ADD3: variants seen among roughly 807,000 people sequenced by gnomAD.
ADD3 encodes the protein adducin 3.
Under a neutral mutation model 80.2 loss-of-function variants are expected in ADD3, and 25 were observed. The observed-to-expected ratio is 0.31, with a 90% CI of 0.23 to 0.44. The LOEUF is 0.44. Among genes scored for constraint, ADD3 ranks in the 20% least tolerant of loss-of-function variants. The pLI is 1.00. For synonymous variants in ADD3, 284 were observed against 289.6 expected, an observed-to-expected ratio of 0.98 and a Z score of 0.20; for missense variants, 829 against 847.5, an observed-to-expected ratio of 0.98 and a Z score of 0.27.
intron 1 of ADD3, among the ~76,000 whole-genome samples, chr10:110,015,473 TCATGC>T (rs1251561112): frequency 6.6e-6 from 1 of 151,876 alleles, no homozygotes; most frequent in Non-Finnish European, 1.5e-5. Flanking sequence ...CCTCCTGGGT[TCATGC>T]CATTCTCCTG....
At chr10:110,113,050 T>G (rs1197326124) in intron 3 of ADD3, 135 bp downstream of exon 3, 7 of 881,634 alleles carry the variant, frequency 7.9e-6, no homozygotes, top group Non-Finnish European at 1.2e-5. Context: ...AACATAGTGT[T>G]AGACCCTCCT....
At chr10:110,072,259 G>A (rs1212787329) in intron 1 of ADD3, among the ~76,000 whole-genome samples, 1 of 152,100 alleles carries the variant, frequency 6.6e-6, no homozygotes, top group Non-Finnish European at 1.5e-5. Flanking sequence ...TAGAGATGGG[G>A]TTTCACCATG....
chr10:110,113,040 A>G, intron 3 of ADD3, 125 bp downstream of exon 3: 1 of 1,023,834 alleles, frequency 9.8e-7, no homozygotes, highest in South Asian at 1.6e-5. Context: ...TACTTAGAGT[A>G]ACATAGTGTT....
At chr10:110,112,718 C>T in intron 2 of ADD3, 59 bp from the exon 3 acceptor site, 2 of 1,556,268 alleles carry the variant, frequency 1.3e-6, no homozygotes, top group South Asian at 1.2e-5. Context: ...TGTATCGGAA[C>T]AAGTTACTTT....
chr10:110,074,502 G>A (rs1185134590), intron 1 of ADD3, among the ~76,000 whole-genome samples: 2 of 151,986 alleles, frequency 1.3e-5, no homozygotes, highest in African/African-American at 4.8e-5. Flanking sequence ...TGCAGCTGAC[G>A]TTGATTGGAG....
At chr10:110,023,494 A>G (rs1853929988) in intron 1 of ADD3, among the ~76,000 whole-genome samples, 1 of 152,198 alleles carries the variant, frequency 6.6e-6, no homozygotes, top group African/African-American at 2.4e-5. Context: ...GGAGGCAGAA[A>G]TCTGTGCAAC....
At chr10:110,120,821 A>G (rs1185055956) in intron 8 of ADD3, among the ~76,000 whole-genome samples, 2 of 152,200 alleles carry the variant, frequency 1.3e-5, no homozygotes, top group Non-Finnish European at 1.5e-5. Flanking sequence ...AATGGAACAG[A>G]ACGGAGCCCT....
intron 9 of ADD3, among the ~76,000 whole-genome samples, chr10:110,122,843 G>T (rs1416924220): frequency 1.3e-5 from 2 of 151,534 alleles, no homozygotes; most frequent in African/African-American, 4.9e-5. Context: ...TGTTGCCCAG[G>T]CTGGTCTTGA....
At chr10:110,133,300 C>T (rs1183318861) in intron 14 of ADD3, 26 bp from the exon 15 acceptor site, 2 of 1,541,466 alleles carry the variant, frequency 1.3e-6, no homozygotes, top group African/African-American at 2.8e-5. Flanking sequence ...GTAAAATAAC[C>T]CCCAAAAAAC....
intron 1 of ADD3, among the ~76,000 whole-genome samples, chr10:110,086,981 A>G (rs1020433138): frequency 6.6e-6 from 1 of 152,118 alleles, no homozygotes; most frequent in Non-Finnish European, 1.5e-5. Flanking sequence ...TGCAGCATGT[A>G]TGTACACATG....
intron 9 of ADD3, among the ~76,000 whole-genome samples, chr10:110,122,560 T>G (rs1457136286): frequency 1.3e-5 from 2 of 152,130 alleles, no homozygotes; most frequent in East Asian, 3.9e-4. Context: ...AACTGAAATT[T>G]TGTATCCTTT....
In ADD3 at chr10:110,133,654, G is replaced by T; in HGVS notation, c.*36G>T. 6.8e-7 allele frequency: 1 copy of T among 1,467,390 alleles called. No individual in the cohort carries two copies. The allele number at this position is 1,467,390 out of a possible 1,614,324, so 90.9% of individuals were successfully genotyped here. A position where few individuals can be genotyped will look rare whatever the true frequency, so the allele number is the denominator to read the frequency against. ...TTTATAATTATTATTATAACAATGT[G>T]ACATTGCACATCTAAATACCACATT... is the stretch of plus-strand genomic sequence containing the variant. On this transcript the variant is annotated 3_prime_UTR_variant, in exon 15 of 15. Transcript: ENST00000356080.
intron 10 of ADD3, among the ~76,000 whole-genome samples, chr10:110,124,868 G>A (rs1851949745): frequency 6.6e-6 from 1 of 152,140 alleles, no homozygotes; most frequent in Non-Finnish European, 1.5e-5. Flanking sequence ...GCCCAGGATG[G>A]CTTTGGATGC....
chr10:110,028,857 A>G (rs544672216), intron 1 of ADD3, among the ~76,000 whole-genome samples: 40 of 151,564 alleles, frequency 2.6e-4, no homozygotes, highest in Non-Finnish European at 4.4e-4. Context: ...CTTTCCCTAC[A>G]TATGATACAA....
intron 1 of ADD3, among the ~76,000 whole-genome samples, chr10:110,089,855 G>T (rs1030625031): frequency 2.0e-5 from 3 of 152,112 alleles, no homozygotes; most frequent in Middle Eastern, 3.2e-3. Context: ...TACTTTCTCT[G>T]AACTTTCTGT....
rs1008694948 is a variant in ADD3, at chr10:110,038,615, G to A, written c.-30+30316G>A. On this transcript the variant is annotated intron_variant, in intron 1 of 14. Transcript: ENST00000356080. ...TCTTTTAGCTGCTCTTTAAAAGCAC[G>A]TTGTCTTGATGCACTGTTTCTTAAG... is the stretch of plus-strand genomic sequence containing the variant. 4.6e-5 allele frequency among the ~76,000 whole-genome samples: 7 copies of A among 152,110 alleles called. No individual in the cohort carries two copies. In the South Asian group the frequency reaches 6.2e-4, roughly 13 times the overall value.
chr10:110,096,687 C>T lies in ADD3; in HGVS notation c.-29-3938C>T, dbSNP rs139541057. Among the ~76,000 whole-genome samples the T allele has an allele frequency of 3.0e-4, 45 of 152,158 alleles. No homozygotes were observed. The East Asian group carries it at 6.6e-3, about 22-fold the overall frequency. On this transcript the variant is annotated intron_variant, in intron 1 of 14. Transcript: ENST00000356080. ...GCTTCTTCATGGTGTGGCAGCTGCA[C>T]GACCCTCAAAGTGTATAATGTCACT...
chr10:110,100,677 C>T lies in ADD3; in HGVS notation c.24C>T (p.Gly8=), dbSNP rs367830044. 43 of 1,610,316 alleles carry T rather than the reference C, an allele frequency of 2.7e-5. No individual in the cohort carries two copies. Among genetic ancestry groups the T allele is most frequent in the Non-Finnish European group, 3.6e-5 (42 of 1,178,520 alleles). The change falls in exon 2 of 15, where the codon GGC becomes GGT. Residue 8 remains glycine (G), a synonymous_variant. Coordinates refer to ENST00000356080, the MANE Select transcript of ADD3 (RefSeq NM_016824.5). Reference sequence around the variant, plus strand: ...ACATGAGCTCAGATGCCAGCCAAGGCGTGATTACCACTCCTCCTCCTCCCA... The same window carrying T: ...ACATGAGCTCAGATGCCAGCCAAGGTGTGATTACCACTCCTCCTCCTCCCA... The part of the protein sequence containing the change: MSSDASQ[G]VITTPPPPSM...
At chr10:110,077,380 G>A (rs1845492563) in intron 1 of ADD3, among the ~76,000 whole-genome samples, 1 of 151,922 alleles carries the variant, frequency 6.6e-6, no homozygotes, top group African/African-American at 2.4e-5. Flanking sequence ...TTCAAATGAA[G>A]GCAAATAGTA....
Sources: allele counts gnomAD v4.1 joint callset (sites outside exome capture counted in the v4.1 genomes callset), GRCh38; gene constraint gnomAD v4.1.1; transcripts MANE v1.5; gene names NCBI Gene and HGNC (gene_info 2026-07-23, HGNC 2026-07-21).